The following NDST3 variants were observed in gnomAD, a reference collection of about 807,000 sequenced individuals.
The protein encoded by NDST3 is N-deacetylase and N-sulfotransferase 3.
A neutral mutation model predicts 96.1 loss-of-function variants in NDST3; 58 were observed. The ratio of observed to expected loss-of-function variants is 0.60; its 90% CI spans 0.49 to 0.75. The LOEUF (loss-of-function observed/expected upper bound fraction) is 0.75, where lower values mean the gene tolerates loss of function less well. NDST3 is among the 30% of genes least tolerant of loss of function. The pLI, the probability that NDST3 is intolerant of heterozygous loss-of-function variation, is 0.00. For synonymous variants in NDST3, 333 were observed against 359.7 expected (o/e 0.93, Z 0.84); for missense variants, 788 against 1,034.2 (o/e 0.76, Z 3.27).
chr4:118,165,690 GA>G (rs1304379561), intron 6 of NDST3, among the ~76,000 whole-genome samples: 9 of 151,788 alleles, frequency 5.9e-5, no homozygotes, highest in Non-Finnish European at 1.2e-4. Flanking sequence ...TCTCTTTTCA[GA>G]ACATTGATAT....
At chr4:118,106,746 A>G (rs1474211282) in intron 3 of NDST3, among the ~76,000 whole-genome samples, 1 of 152,004 alleles carries the variant, frequency 6.6e-6, no homozygotes. Context: ...AACTATGTTC[A>G]TGCCACTGCG....
chr4:118,120,052 T>A (rs578103355), intron 4 of NDST3, among the ~76,000 whole-genome samples: 23 of 152,240 alleles, frequency 1.5e-4, no homozygotes, highest in African/African-American at 5.5e-4. Context: ...GTTCTTCCAA[T>A]CTAGATAAGT....
At chr4:118,230,635 AC>A (rs997557039) in intron 8 of NDST3, among the ~76,000 whole-genome samples, 31 of 152,252 alleles carry the variant, frequency 2.0e-4, no homozygotes, top group African/African-American at 7.5e-4. Flanking sequence ...AATCAGAGAT[AC>A]TGGGATAGGG....
In NDST3 at chr4:118,242,024, T is replaced by C. The variant is rs908926237; in HGVS notation, c.2290-16T>C. The C allele has an allele frequency of 3.2e-6, 5 of 1,551,686 alleles. No homozygotes were observed. Among genetic ancestry groups the C allele is most frequent in the Non-Finnish European group, 4.4e-6 (5 of 1,130,980 alleles). The stretch of plus-strand genomic sequence containing the variant: ...ATGTCTTTTTTCAATGTGCATTTTT[T>C]TATTTGATAATTTAGTTGCTAATTA... On this transcript the variant is annotated splice_polypyrimidine_tract_variant and intron_variant, in intron 11 of 13. Transcript: ENST00000296499.
Position 118,115,671 on chromosome 4 carries a change from C to T in NDST3, c.1224+711C>T, listed in dbSNP as rs11942974. Among the ~76,000 whole-genome samples, 720 of 152,214 alleles carry T rather than the reference C, an allele frequency of 4.7e-3. 7 individuals are homozygous for T. Among genetic ancestry groups the T allele is most frequent in the African/African-American group, 0.017 (690 of 41,544 alleles). On this transcript the variant is annotated intron_variant, in intron 4 of 13. Coordinates refer to ENST00000296499, the MANE Select transcript of NDST3 (RefSeq NM_004784.3). The stretch of plus-strand genomic sequence containing the variant: ...TTTATAGTAAAAGTTTAAATAAGCA[C>T]ATTATGAAGAAAAATGTGCTTGTGA...
chr4:118,200,272 C>T (rs748532138), intron 6 of NDST3, among the ~76,000 whole-genome samples: 38 of 152,274 alleles, frequency 2.5e-4, no homozygotes, highest in African/African-American at 7.5e-4. Context: ...CAAGACGCAG[C>T]GCTTCCCATG....
intron 6 of NDST3, among the ~76,000 whole-genome samples, chr4:118,191,061 T>G (rs1737270040): frequency 6.6e-6 from 1 of 152,182 alleles, no homozygotes; most frequent in Non-Finnish European, 1.5e-5. Flanking sequence ...TCCAATTACC[T>G]ATTTTGTCAC....
intron 12 of NDST3, among the ~76,000 whole-genome samples, chr4:118,246,504 G>A (rs1741320532): frequency 6.6e-6 from 1 of 152,172 alleles, no homozygotes; most frequent in African/African-American, 2.4e-5. Context: ...TACTTGGGAG[G>A]CTGAGGCAGG....
chr4:118,125,734 T>G (rs555760432), intron 4 of NDST3, among the ~76,000 whole-genome samples: 1 of 152,124 alleles, frequency 6.6e-6, no homozygotes. Context: ...TACAATTTTT[T>G]AGAAAATGAA....
chr4:118,137,967 T>A, intron 4 of NDST3, 87 bp from the exon 5 acceptor site: 1 of 1,111,084 alleles, frequency 9.0e-7, no homozygotes, highest in Non-Finnish European at 1.3e-6. Context: ...TAAATATATA[T>A]ATTTACAGTA....
At chr4:118,090,108 C>T (rs1437026158) in intron 2 of NDST3, among the ~76,000 whole-genome samples, 2 of 151,902 alleles carry the variant, frequency 1.3e-5, no homozygotes, top group South Asian at 2.1e-4. Flanking sequence ...ATCCTCACGA[C>T]ATTGTCTTAA....
At position 118,256,481 on chromosome 4, in the gene NDST3, T is replaced by A. The variant is rs1263774175; in HGVS notation, c.*769T>A. 1 of 152,236 alleles carries A rather than the reference T, an allele frequency of 6.6e-6. No homozygotes were observed. Among genetic ancestry groups the A allele is most frequent in the East Asian group, 1.9e-4 (1 of 5,206 alleles). The allele number at this position is 152,236 out of a possible 1,614,324, so 9.4% of individuals were successfully genotyped here. ...TACACCAAAACAGTAAATAACAATG[T>A]AAAGTGTACTGACTGAATCCTCTAA... is the stretch of plus-strand genomic sequence containing the variant. On this transcript the variant is annotated 3_prime_UTR_variant, in exon 14 of 14. Transcript: ENST00000296499.
At position 118,247,529 on chromosome 4, in the gene NDST3, G is replaced by T. The variant is rs368380113; in HGVS notation, c.2399+5380G>T. On this transcript the variant is annotated intron_variant, in intron 12 of 13. Transcript: ENST00000296499. ...ATCGCGCCACTGCAATCCAGCCTGG[G>T]CGACAAGAGTGAAACTCTGTCTAAA... 4.9e-4 allele frequency among the ~76,000 whole-genome samples: 75 copies of T among 152,120 alleles called. 1 individual carries two copies. The South Asian group carries it at 0.015, about 31-fold the overall frequency.
At chr4:118,247,475 CCA>C (rs1191892805) in intron 12 of NDST3, among the ~76,000 whole-genome samples, 1 of 152,036 alleles carries the variant, frequency 6.6e-6, no homozygotes, top group Non-Finnish European at 1.5e-5. Flanking sequence ...TTGCTTGAAC[CCA>C]GGAGGTGGAG....
intron 2 of NDST3, among the ~76,000 whole-genome samples, chr4:118,102,985 A>G (rs1462917454): frequency 6.6e-6 from 1 of 152,164 alleles, no homozygotes; most frequent in East Asian, 1.9e-4. Context: ...CTAATTTAGT[A>G]ACTTAAATCA....
At chr4:118,139,170 C>T (rs1324689767) in intron 5 of NDST3, among the ~76,000 whole-genome samples, 1 of 152,138 alleles carries the variant, frequency 6.6e-6, no homozygotes, top group Non-Finnish European at 1.5e-5. Flanking sequence ...AAATGCTAGA[C>T]GGGGACATAA....
At chr4:118,233,281 G>C (rs2126000711) in intron 9 of NDST3, 146 bp downstream of exon 9, 1 of 651,264 alleles carries the variant, frequency 1.5e-6, no homozygotes, top group East Asian at 3.3e-5. Flanking sequence ...ATCATAAAGG[G>C]GCTCAGAAAT....
In NDST3 at chr4:118,047,128, C is replaced by T. The variant is rs558086811; in HGVS notation, c.-155-6628C>T. Among the ~76,000 whole-genome samples the T allele has an allele frequency of 2.0e-4, 31 of 152,288 alleles. No individual in the cohort carries two copies. The South Asian group carries it at 5.8e-3, about 29-fold the overall frequency. On this transcript the variant is annotated intron_variant, in intron 1 of 13. Coordinates refer to ENST00000296499, the MANE Select transcript of NDST3 (RefSeq NM_004784.3). ...TCAGCATCATCTACTGGATCCCAGCCCAAACTACCACGCCAAAAATATTTT... is the reference window on the plus strand; with the variant it reads ...TCAGCATCATCTACTGGATCCCAGCTCAAACTACCACGCCAAAAATATTTT...
intron 2 of NDST3, among the ~76,000 whole-genome samples, chr4:118,081,410 TTGTG>T (rs3080149): frequency 2.6e-5 from 4 of 151,762 alleles, no homozygotes; most frequent in African/African-American, 9.7e-5. Flanking sequence ...ATGCAAGTGA[TTGTG>T]TGTGTGTGTG....
Sources: gnomAD v4.1 joint callset for allele counts (sites outside exome capture counted in the v4.1 genomes callset) on GRCh38, gnomAD v4.1.1 for gene constraint, MANE v1.5 for transcripts, NCBI Gene and HGNC (gene_info 2026-07-23, HGNC 2026-07-21) for gene names.